Variants in ZNF276 observed in about 807,000 individuals in gnomAD.
The protein encoded by ZNF276 is zinc finger protein 276.
Under a neutral mutation model 63.9 loss-of-function variants are expected in ZNF276, and 59 were observed. That is an observed-to-expected ratio of 0.92 (90% CI 0.75 to 1.15). The LOEUF is 1.15. Among genes scored for constraint, ZNF276 ranks in the 50% most tolerant of loss-of-function variants. The pLI is 0.00. For missense variants in ZNF276, 1,084 were observed against 843.8 expected (o/e 1.28, Z -3.53); for synonymous variants, 496 against 348.4 (o/e 1.42, Z -4.72).
intron 9 of ZNF276, among the ~76,000 whole-genome samples, chr16:89,735,315 G>A (rs1321499292): frequency 1.3e-5 from 2 of 152,024 alleles, no homozygotes; most frequent in East Asian, 3.8e-4. Context: ...ACCAGCTGAG[G>A]ACAACTGTAT....
Position 89,723,651 on chromosome 16 carries a change from G to T in ZNF276, c.948G>T (p.Ala316=). 6.2e-7 allele frequency: 1 copy of T among 1,612,560 alleles called. No homozygotes were observed. The highest frequency in any genetic ancestry group is 8.5e-7 in the Non-Finnish European group (1 of 1,179,970). The change falls in exon 4 of 11, where the codon GCG becomes GCT. Residue 316 remains alanine (A), a synonymous_variant. Transcript: ENST00000443381. ...DVAQPPSDSD[A]VGPRSGFPPQ... ...CCCAGCCTCCTTCGGACAGCGACGC[G>T]GTGGGGCCCAGGTCGGGCTTCCCAC...
At chr16:89,732,320 C>G (rs2061680200) in intron 6 of ZNF276, 1 of 152,366 alleles carries the variant, frequency 6.6e-6, no homozygotes, top group African/African-American at 2.4e-5. Context: ...GGAACACAGG[C>G]TGGGCTCCCT....
In ZNF276 at chr16:89,738,825, G is replaced by A; in HGVS notation, c.*579G>A. 6.2e-7 allele frequency: 1 copy of A among 1,614,088 alleles called. No individual in the cohort carries two copies. The highest frequency in any genetic ancestry group is 1.1e-5 in the South Asian group (1 of 91,076). ...GCCAGCCAGGCAGGCACATGGCCCA[G>A]GCAGCTGTCAATTCTCATGTCCCCC... On this transcript the variant is annotated 3_prime_UTR_variant, in exon 11 of 11. Transcript: ENST00000443381.
chr16:89,733,127 C>A (rs942297548), intron 6 of ZNF276, 175 bp from the exon 7 acceptor site: 3 of 645,560 alleles, frequency 4.6e-6, no homozygotes, highest in Non-Finnish European at 8.2e-6. Context: ...GCCCCTGAGG[C>A]CTCCTGTCCA....
At chr16:89,736,500 T>C (rs1015487054) in intron 9 of ZNF276, among the ~76,000 whole-genome samples, 2 of 151,844 alleles carry the variant, frequency 1.3e-5, no homozygotes, top group Non-Finnish European at 2.9e-5. Context: ...AATTTTTGTA[T>C]TTTTAGTAGA....
At chr16:89,727,184 C>T in intron 4 of ZNF276, 95 bp from the exon 5 acceptor site, 3 of 1,300,178 alleles carry the variant, frequency 2.3e-6, no homozygotes, top group Non-Finnish European at 3.4e-6. Flanking sequence ...CCCCAGTCTC[C>T]CTTCTAGTCA....
chr16:89,723,093 C>G, intron 2 of ZNF276, 44 bp from the exon 3 acceptor site: 1 of 1,612,780 alleles, frequency 6.2e-7, no homozygotes, highest in Non-Finnish European at 8.5e-7. Flanking sequence ...CGCTGTGAAC[C>G]TCCGCCTGCT....
In ZNF276 at chr16:89,727,342, G is replaced by A; in HGVS notation, c.1070G>A (p.Ser357Asn). ...GATGATCGGGTAAAAGACGAGTTCA[G>A]TGACCTTTCTGAGGGGTGAGAGAAG... ...TSDDRVKDEFSDLSEGDVLSE... is the reference protein window; with the variant it reads ...TSDDRVKDEFNDLSEGDVLSE... The change falls in exon 5 of 11, where the codon AGT becomes AAT. Residue 357 changes from serine to asparagine, a missense_variant. Transcript: ENST00000443381. The A allele has an allele frequency of 6.2e-7, 1 of 1,614,020 alleles. No homozygotes were observed. The highest frequency in any genetic ancestry group is 1.1e-5 in the South Asian group (1 of 90,994).
At position 89,729,307 on chromosome 16, in the gene ZNF276, C is replaced by A; in HGVS notation, c.1158C>A (p.Tyr386Ter). Residue 386 changes from tyrosine (Y) to a stop codon, truncating the protein, a stop_gained, in exon 6 of 11, where the codon TAC becomes TAA. Transcript: ENST00000443381. LOFTEE classifies it high-confidence loss of function. The stretch of plus-strand genomic sequence containing the variant: ...CTTCGGACGAGTCCTTTGAGCCTTA[C>A]CCAGAAAGGAAGTAAGTGGGCAGCC... ...AQSSDESFEP[Y>*]PERKVSGKKS... 1 of 1,614,052 alleles carries A rather than the reference C, an allele frequency of 6.2e-7. No homozygotes were observed. The highest frequency in any genetic ancestry group is 8.5e-7 in the Non-Finnish European group (1 of 1,179,978).
At position 89,739,638 on chromosome 16, in the gene ZNF276, G is replaced by C. The variant is rs1045378763; in HGVS notation, c.*1392G>C. 2 of 1,515,270 alleles carry C rather than the reference G, an allele frequency of 1.3e-6. No homozygotes were observed. The highest frequency in any genetic ancestry group is 1.8e-6 in the Non-Finnish European group (2 of 1,116,136). The allele number at this position is 1,515,270 out of a possible 1,614,324, so 93.9% of individuals were successfully genotyped here. On this transcript the variant is annotated 3_prime_UTR_variant, in exon 11 of 11. Transcript: ENST00000443381. The stretch of plus-strand genomic sequence containing the variant: ...GGGACACCCCTGGGGGTCGGGACGT[G>C]TACCCTGGGAGGCCTGGCTGTGGGG...
At position 89,739,842 on chromosome 16, in the gene ZNF276, A is replaced by C. The variant is rs957300434; in HGVS notation, c.*1596A>C. ...AGCCAGTAAATTATCTTATTGCTTT[A>C]AACAAGTTTGTGCTTAATCTGTCCC... On this transcript the variant is annotated 3_prime_UTR_variant, in exon 11 of 11. Coordinates refer to ENST00000443381, the MANE Select transcript of ZNF276 (RefSeq NM_001113525.2). 2.7e-6 allele frequency: 4 copies of C among 1,502,452 alleles called. No individual in the cohort carries two copies. Among genetic ancestry groups the C allele is most frequent in the Non-Finnish European group, 3.5e-6 (4 of 1,128,958 alleles). 93.1% of individuals were successfully genotyped at this position (1,502,452 alleles called of 1,614,324 possible). A position where few individuals can be genotyped will look rare whatever the true frequency, so the allele number is the denominator to read the frequency against.
chr16:89,738,839 C>G lies in ZNF276; in HGVS notation c.*593C>G. Reference sequence around the variant, plus strand: ...CACATGGCCCAGGCAGCTGTCAATTCTCATGTCCCCCACATGGCCCAAGGT... The same window carrying G: ...CACATGGCCCAGGCAGCTGTCAATTGTCATGTCCCCCACATGGCCCAAGGT... On this transcript the variant is annotated 3_prime_UTR_variant, in exon 11 of 11. Transcript: ENST00000443381. 3 of 1,614,180 alleles carry G rather than the reference C, an allele frequency of 1.9e-6. No individual in the cohort carries two copies. The highest frequency in any genetic ancestry group is 2.5e-6 in the Non-Finnish European group (3 of 1,180,034).
chr16:89,728,584 A>G (rs1033614402), intron 5 of ZNF276, among the ~76,000 whole-genome samples: 4 of 151,850 alleles, frequency 2.6e-5, no homozygotes, highest in African/African-American at 9.7e-5. Context: ...TTGTATTTTT[A>G]GCAGAGACGG....
chr16:89,733,625 G>C, intron 8 of ZNF276, 68 bp downstream of exon 8: 2 of 1,561,772 alleles, frequency 1.3e-6, no homozygotes, highest in Non-Finnish European at 1.8e-6. Flanking sequence ...GGTAGCAGGT[G>C]TTTCTGCAGC....
chr16:89,733,360 CG>C lies in ZNF276; in HGVS notation c.1230del (p.Lys411ArgfsTer41). ...EAKKSEEPRI[R>X]KKPGPKPGWK... ...CAAGAAGTCTGAAGAACCAAGAATT[CG>C]GAAGAAGCCGGGACCCAAGCCCGGA... On this transcript the variant is annotated frameshift_variant, in exon 7 of 11. Coordinates refer to ENST00000443381, the MANE Select transcript of ZNF276 (RefSeq NM_001113525.2). LOFTEE classifies it high-confidence loss of function. The C allele has an allele frequency of 6.2e-7, 1 of 1,614,124 alleles. No individual in the cohort carries two copies. Among genetic ancestry groups the C allele is most frequent in the Non-Finnish European group, 8.5e-7 (1 of 1,180,036 alleles).
At chr16:89,734,109 C>T (rs1364479004) in intron 9 of ZNF276, 71 bp downstream of exon 9, 19 of 1,446,640 alleles carry the variant, frequency 1.3e-5, no homozygotes, top group Non-Finnish European at 1.6e-5. Context: ...CAGTCTTCCT[C>T]ATACCCATCC....
rs775549018 is a variant in ZNF276, at chr16:89,738,463, A to G, written c.*217A>G. The G allele has an allele frequency of 6.9e-7, 1 of 1,448,440 alleles. No homozygotes were observed. 89.7% of individuals were successfully genotyped at this position (1,448,440 alleles called of 1,614,324 possible). ...TGAGTGACTCGGGGCCGGACAGTTC[A>G]TAAATAATTGATTCCTTTCCCCACT... is the stretch of plus-strand genomic sequence containing the variant. On this transcript the variant is annotated 3_prime_UTR_variant, in exon 11 of 11. Transcript: ENST00000443381.
At position 89,723,246 on chromosome 16, in the gene ZNF276, T is replaced by A; in HGVS notation, c.557-14T>A. On this transcript the variant is annotated splice_polypyrimidine_tract_variant and intron_variant, in intron 3 of 10. Coordinates refer to ENST00000443381, the MANE Select transcript of ZNF276 (RefSeq NM_001113525.2). ...ACCAGCCGTGGATCTGACATCTCTG[T>A]TGACTCTCTGCAGTGGATCTGATCA... The A allele has an allele frequency of 6.2e-7, 1 of 1,613,270 alleles. No homozygotes were observed. The highest frequency in any genetic ancestry group is 8.5e-7 in the Non-Finnish European group (1 of 1,180,000).
At chr16:89,736,362 T>C (rs903880033) in intron 9 of ZNF276, among the ~76,000 whole-genome samples, 4 of 147,682 alleles carry the variant, frequency 2.7e-5, no homozygotes, top group Non-Finnish European at 6.0e-5. Flanking sequence ...ACAGTCTGTG[T>C]CGCCCAGCCT....
Sources: gnomAD v4.1 joint callset for allele counts (sites outside exome capture counted in the v4.1 genomes callset) on GRCh38, gnomAD v4.1.1 for gene constraint, MANE v1.5 for transcripts, NCBI Gene and HGNC (gene_info 2026-07-23, HGNC 2026-07-21) for gene names.